UGGT2: variants seen among roughly 807,000 people sequenced by gnomAD.
The protein encoded by UGGT2 is UDP-glucose glycoprotein glucosyltransferase 2.
A neutral mutation model predicts 192.1 loss-of-function variants in UGGT2; 180 were observed. The observed-to-expected ratio is 0.94, with a 90% CI of 0.83 to 1.06. The LOEUF (loss-of-function observed/expected upper bound fraction) is 1.06. Ranked by LOEUF, UGGT2 falls within the 50% of genes least tolerant of loss-of-function variation. UGGT2 has a pLI of 0.00. For synonymous variants in UGGT2, 580 were observed against 591.0 expected (o/e 0.98, Z 0.27); for missense variants, 1,849 against 1,795.7 (o/e 1.03, Z -0.54).
At chr13:96,045,414 G>A (rs2053280574) in intron 1 of UGGT2, among the ~76,000 whole-genome samples, 1 of 152,120 alleles carries the variant, frequency 6.6e-6, no homozygotes. Context: ...CATTCCCTCT[G>A]AGAACTGGAA....
At chr13:95,824,018 C>T (rs368844117) in intron 38 of UGGT2, among the ~76,000 whole-genome samples, 1 of 152,016 alleles carries the variant, frequency 6.6e-6, no homozygotes, top group Admixed American at 6.6e-5. Context: ...ATTTCTCTTT[C>T]GTTTATGAAA....
intron 17 of UGGT2, 34 bp downstream of exon 17, chr13:95,936,889 AT>A: frequency 7.0e-7 from 1 of 1,435,886 alleles, no homozygotes; most frequent in Non-Finnish European, 9.3e-7. Context: ...ATTTATAAAT[AT>A]TCATCATGTA....
intron 2 of UGGT2, among the ~76,000 whole-genome samples, chr13:96,025,081 CTT>C (rs1224657659): frequency 6.6e-6 from 1 of 152,130 alleles, no homozygotes; most frequent in African/African-American, 2.4e-5. Flanking sequence ...GTGGTTATTG[CTT>C]TTGTTATATG....
chr13:95,804,338 C>T (rs1001010289), intron 38 of UGGT2, among the ~76,000 whole-genome samples: 1 of 152,102 alleles, frequency 6.6e-6, no homozygotes, highest in East Asian at 1.9e-4. Flanking sequence ...AGACATTCCA[C>T]ATTCATGAGC....
chr13:95,933,137 G>C (rs559068194), intron 17 of UGGT2, among the ~76,000 whole-genome samples: 11 of 152,258 alleles, frequency 7.2e-5, no homozygotes, highest in African/African-American at 2.6e-4. Context: ...TGGTTTTTTG[G>C]AATAGTTTCA....
intron 8 of UGGT2, chr13:95,989,595 G>T: frequency 2.7e-6 from 1 of 370,786 alleles, no homozygotes; most frequent in Non-Finnish European, 5.6e-6. Flanking sequence ...AGTCTTAACA[G>T]GATCTAAATT....
intron 27 of UGGT2, among the ~76,000 whole-genome samples, chr13:95,879,034 CATGGGA>C (rs1268686674): frequency 7.9e-5 from 12 of 152,010 alleles, no homozygotes; most frequent in Admixed American, 6.6e-5. Context: ...GAAAGATTTT[CATGGGA>C]TAGTCTCAGA....
At chr13:95,987,272 T>C (rs1023241621) in intron 8 of UGGT2, among the ~76,000 whole-genome samples, 2 of 152,198 alleles carry the variant, frequency 1.3e-5, no homozygotes, top group African/African-American at 4.8e-5. Flanking sequence ...CCTAGAATTA[T>C]CTTTGACTCC....
In UGGT2 at chr13:95,837,132, G is replaced by C. The variant is rs1887377149; in HGVS notation, c.4355C>G (p.Thr1452Ser). Residue 1452 changes from threonine to serine, a missense_variant, in exon 37 of 39, where the codon ACC becomes AGC. Thr to Ser is a moderately conservative substitution (Grantham distance 58, BLOSUM62 1). Coordinates refer to ENST00000376747, the MANE Select transcript of UGGT2 (RefSeq NM_020121.4). ...TTGTTTGGATTCATCATCACACCAG[G>C]TTTCACACCACAGCCAGTCTTGAGG... ...SLPQDWLWCE[T>S]WCDDESKQRA... 1 of 1,613,980 alleles carries C rather than the reference G, an allele frequency of 6.2e-7. No homozygotes were observed.
chr13:95,902,879 T>C lies in UGGT2; in HGVS notation c.2477A>G (p.Asp826Gly). Residue 826 changes from aspartate (D) to glycine (G), a missense_variant, in exon 21 of 39, where the codon GAT (aspartate) becomes GGT (glycine). Transcript: ENST00000376747. Reference protein sequence around the residue: ...EEIATAIYSGDKIKTFLIEGM... With the variant: ...EEIATAIYSGGKIKTFLIEGM... Reference sequence around the variant, plus strand: ...CTCAATAAGGAATGTTTTAATTTTATCTCCAGAGTAAATAGCTGTAGCAAT... The same window carrying C: ...CTCAATAAGGAATGTTTTAATTTTACCTCCAGAGTAAATAGCTGTAGCAAT... 3.1e-6 allele frequency: 5 copies of C among 1,613,132 alleles called. No individual in the cohort carries two copies. The highest frequency in any genetic ancestry group is 2.2e-5 in the East Asian group (1 of 44,778).
At chr13:95,870,594 T>C (rs141528567) in intron 29 of UGGT2, among the ~76,000 whole-genome samples, 145 of 152,348 alleles carry the variant, frequency 9.5e-4, no homozygotes, top group African/African-American at 3.3e-3. Context: ...CAGCTCTTTC[T>C]GGTTGGTCAG....
intron 13 of UGGT2, among the ~76,000 whole-genome samples, chr13:95,948,541 GC>G (rs2140605679): frequency 6.6e-6 from 1 of 152,198 alleles, no homozygotes; most frequent in East Asian, 1.9e-4. Context: ...TGAAAAAACA[GC>G]CGTAGGTATT....
chr13:95,828,391 T>C (rs1010112195), intron 38 of UGGT2, among the ~76,000 whole-genome samples: 3 of 152,088 alleles, frequency 2.0e-5, no homozygotes, highest in African/African-American at 7.2e-5. Flanking sequence ...AGCTGGTTTT[T>C]TGAAAAGATC....
rs750714217 is a variant in UGGT2 at position 95,854,322 on chromosome 13, G to A, written c.4162C>T (p.His1388Tyr). ...GGGTCTGACTTTTCTTACCTGATAT[G>A]GTATTTCCGTCTTAAAAGATGTGAT... is the stretch of plus-strand genomic sequence containing the variant. ...WASHLLRRKY[H>Y]ISALYVVDLK... The change falls in exon 35 of 39, where the codon CAT (histidine) becomes TAT (tyrosine). Residue 1388 changes from histidine (H) to tyrosine (Y), a missense_variant. Coordinates refer to ENST00000376747, the MANE Select transcript of UGGT2 (RefSeq NM_020121.4). The A allele has an allele frequency of 3.7e-6, 6 of 1,611,352 alleles. No homozygotes were observed. The highest frequency in any genetic ancestry group is 5.1e-6 in the Non-Finnish European group (6 of 1,178,964).
chr13:95,849,845 T>C (rs1888853195), intron 36 of UGGT2, among the ~76,000 whole-genome samples: 1 of 149,102 alleles, frequency 6.7e-6, no homozygotes, highest in African/African-American at 2.4e-5. Flanking sequence ...TAATTTTTTA[T>C]ATATTAATTT....
At chr13:96,025,674 G>A (rs1290242015) in intron 2 of UGGT2, among the ~76,000 whole-genome samples, 1 of 152,054 alleles carries the variant, frequency 6.6e-6, no homozygotes, top group African/African-American at 2.4e-5. Flanking sequence ...TGAAACTGTG[G>A]CAAGCTAAGT....
chr13:95,869,067 GATGTTCCCCT>G (rs1890971537), intron 29 of UGGT2, among the ~76,000 whole-genome samples: 1 of 143,540 alleles, frequency 7.0e-6, no homozygotes, highest in Non-Finnish European at 1.5e-5. Context: ...CCCAGTGTGT[GATGTTCCCCT>G]TCCTGTGTCC....
chr13:95,957,340 C>T (rs372594219), intron 12 of UGGT2, among the ~76,000 whole-genome samples: 2 of 152,176 alleles, frequency 1.3e-5, no homozygotes, highest in East Asian at 1.9e-4. Context: ...TGAATAAAAA[C>T]TACTTTGTGA....
chr13:95,924,849 A>C (rs1002016205), intron 20 of UGGT2, among the ~76,000 whole-genome samples: 3 of 152,210 alleles, frequency 2.0e-5, no homozygotes, highest in Non-Finnish European at 2.9e-5. Context: ...GAGTCATCTT[A>C]GAAGCTTGTC....
Sources: gnomAD v4.1 joint callset for allele counts (sites outside exome capture counted in the v4.1 genomes callset) on GRCh38, gnomAD v4.1.1 for gene constraint, MANE v1.5 for transcripts, NCBI Gene and HGNC (gene_info 2026-07-23, HGNC 2026-07-21) for gene names.